Variants in RUSC2 observed in about 807,000 individuals in gnomAD.
The protein encoded by RUSC2 is RUN and SH3 domain containing 2, also known as AP-4 complex accessory subunit RUSC2.
In RUSC2, 34 loss-of-function variants were observed where a neutral mutation model predicts 122.2. The ratio of observed to expected loss-of-function variants is 0.28; its 90% CI spans 0.21 to 0.37. RUSC2 has a LOEUF of 0.37. Ranked by LOEUF, RUSC2 falls within the 10% of genes least tolerant of loss-of-function variation. The pLI is 1.00. For synonymous variants in RUSC2, 784 were observed against 790.0 expected (o/e 0.99, Z 0.13); for missense variants, 1,747 against 1,952.4 (o/e 0.89, Z 1.98).
intron 1 of RUSC2, among the ~76,000 whole-genome samples, chr9:35,523,441 A>G (rs1821253865): frequency 6.6e-6 from 1 of 152,198 alleles, no homozygotes; most frequent in Non-Finnish European, 1.5e-5. Flanking sequence ...GCAACTTTTT[A>G]TAACTGTAAA....
At chr9:35,533,531 A>G (rs1355276031) in intron 1 of RUSC2, among the ~76,000 whole-genome samples, 6 of 152,220 alleles carry the variant, frequency 3.9e-5, no homozygotes, top group Admixed American at 6.5e-5. Flanking sequence ...TTGTTTTAGT[A>G]TATTCACAGT....
intron 1 of RUSC2, among the ~76,000 whole-genome samples, chr9:35,537,144 G>A (rs1821545320): frequency 6.6e-6 from 1 of 152,190 alleles, no homozygotes; most frequent in African/African-American, 2.4e-5. Context: ...GTGATGTAGT[G>A]AATTAAGCCA....
Position 35,548,268 on chromosome 9 carries a change from C to A in RUSC2, c.1747C>A (p.Arg583=). 1 of 1,613,946 alleles carries A rather than the reference C, an allele frequency of 6.2e-7. No individual in the cohort carries two copies. ...FSPIQEAQQD[R]GAPLDEGTCC... is the part of the protein sequence containing the mutation. Reference sequence around the variant, plus strand: ...ACCCATCCAAGAAGCCCAGCAAGATCGGGGGGCCCCACTGGATGAGGGCAC... The same window carrying A: ...ACCCATCCAAGAAGCCCAGCAAGATAGGGGGGCCCCACTGGATGAGGGCAC... Residue 583 remains arginine, a synonymous_variant, in exon 2 of 12, where the codon CGG becomes AGG. Coordinates refer to ENST00000361226, the MANE Select transcript of RUSC2 (RefSeq NM_014806.5). This position sits in a 1 kb window ranked among gnomAD's most constrained non-coding sequence, Gnocchi z 4.5.
chr9:35,508,255 C>T (rs1261482116), intron 1 of RUSC2, among the ~76,000 whole-genome samples: 2 of 152,182 alleles, frequency 1.3e-5, no homozygotes, highest in Non-Finnish European at 2.9e-5. Flanking sequence ...CCCTCCCTGG[C>T]GCTCTGGATT....
At chr9:35,502,972 T>C (rs1370698667) in intron 1 of RUSC2, among the ~76,000 whole-genome samples, 1 of 152,186 alleles carries the variant, frequency 6.6e-6, no homozygotes, top group African/African-American at 2.4e-5. Context: ...GCGATTCTCC[T>C]GCCTTAGCCT....
chr9:35,534,494 T>A (rs1821485534), intron 1 of RUSC2, among the ~76,000 whole-genome samples: 1 of 151,986 alleles, frequency 6.6e-6, no homozygotes, highest in Non-Finnish European at 1.5e-5. Flanking sequence ...ACTTATTTAT[T>A]TTTTTGAGAC....
chr9:35,508,613 G>A (rs976101005), intron 1 of RUSC2, among the ~76,000 whole-genome samples: 2 of 152,180 alleles, frequency 1.3e-5, no homozygotes, highest in African/African-American at 4.8e-5. Context: ...TACTCTTTAA[G>A]CTATCCCAAA....
chr9:35,543,867 G>T (rs1392408494), intron 1 of RUSC2, among the ~76,000 whole-genome samples: 1 of 152,184 alleles, frequency 6.6e-6, no homozygotes, highest in South Asian at 2.1e-4. Flanking sequence ...GACTGGCTTC[G>T]ATTGTGCCCA....
intron 1 of RUSC2, among the ~76,000 whole-genome samples, chr9:35,515,726 C>T (rs1404575869): frequency 1.3e-5 from 2 of 151,986 alleles, no homozygotes; most frequent in Non-Finnish European, 2.9e-5. Flanking sequence ...GGGCCAGACA[C>T]AGTGGTTCAC....
Position 35,560,290 on chromosome 9 carries a change from C to G in RUSC2, c.3650C>G (p.Pro1217Arg). The change falls in exon 10 of 12, where the codon CCT becomes CGT. Residue 1217 changes from proline (P) to arginine (R), a missense_variant. Transcript: ENST00000361226. Reference protein sequence around the residue: ...QLARARGQEGPGDVDRAAQGE... With the variant: ...QLARARGQEGRGDVDRAAQGE... ...GCCCGGGCCCGGGGCCAGGAGGGCC[C>G]TGGAGACGTGGACAGGGCAGCCCAA... The G allele has an allele frequency of 6.3e-7, 1 of 1,595,176 alleles. No individual in the cohort carries two copies. Among genetic ancestry groups the G allele is most frequent in the Non-Finnish European group, 8.5e-7 (1 of 1,170,184 alleles).
Position 35,557,227 on chromosome 9 carries a change from G to A in RUSC2, c.2984-687G>A, listed in dbSNP as rs1822041586. On this transcript the variant is annotated intron_variant, in intron 5 of 11. Coordinates refer to ENST00000361226, the MANE Select transcript of RUSC2 (RefSeq NM_014806.5). This position sits in a 1 kb window ranked among gnomAD's most constrained non-coding sequence, Gnocchi z 4.6. ...ATAATTGTGGGCTGAAGATGAGCCT[G>A]TGAAGAGAGAGCTGAAGTTCCTTGC... 6.6e-6 allele frequency among the ~76,000 whole-genome samples: 1 copy of A among 152,188 alleles called. No individual in the cohort carries two copies. The highest frequency in any genetic ancestry group is 1.5e-5 in the Non-Finnish European group (1 of 68,030).
intron 1 of RUSC2, among the ~76,000 whole-genome samples, chr9:35,524,468 G>A (rs1344164482): frequency 3.3e-5 from 5 of 151,380 alleles, no homozygotes; most frequent in Non-Finnish European, 7.4e-5. Context: ...ATTAATTAGA[G>A]GAGAAAATGA....
rs768814494 is a variant in RUSC2 at position 35,561,066 on chromosome 9, C to T, written c.4318C>T (p.His1440Tyr). ...GCCCAAGGAGAGCCTGCAGGAGCCACACTCCCCAGCCCTGCCCTCCAGTCC... is the reference window on the plus strand; with the variant it reads ...GCCCAAGGAGAGCCTGCAGGAGCCATACTCCCCAGCCCTGCCCTCCAGTCC... The part of the protein sequence containing the change: ...PEPKESLQEP[H>Y]SPALPSSPPC... Residue 1440 changes from histidine to tyrosine, a missense_variant, in exon 11 of 12, where the codon CAC (histidine) becomes TAC (tyrosine). Transcript: ENST00000361226. The T allele has an allele frequency of 8.7e-6, 14 of 1,614,146 alleles. No individual in the cohort carries two copies. The Admixed American group carries it at 2.2e-4, about 25-fold the overall frequency.
intron 1 of RUSC2, among the ~76,000 whole-genome samples, chr9:35,533,258 A>AAAAAG (rs376652098): frequency 6.6e-6 from 1 of 150,792 alleles, no homozygotes; most frequent in Non-Finnish European, 1.5e-5. Context: ...AAAAAAAAAA[A>AAAAAG]AAGAAGAATT....
At position 35,548,114 on chromosome 9, in the gene RUSC2, G is replaced by T. The variant is rs146030842; in HGVS notation, c.1593G>T (p.Met531Ile). Residue 531 changes from methionine to isoleucine, a missense_variant, in exon 2 of 12, where the codon ATG becomes ATT. Physicochemically the swap from Met to Ile is conservative, Grantham distance 10. Coordinates refer to ENST00000361226, the MANE Select transcript of RUSC2 (RefSeq NM_014806.5). The surrounding 1 kb of genome is among the most constrained non-coding windows in gnomAD (Gnocchi z 4.5). ...GCTTGAGTGAGGGCCCTGCAGCCATGGCCGGGCCTGGCTCCCCACCCAGGA... is the reference window on the plus strand; with the variant it reads ...GCTTGAGTGAGGGCCCTGCAGCCATTGCCGGGCCTGGCTCCCCACCCAGGA... Reference protein sequence around the residue: ...PVRLSEGPAAMAGPGSPPRRV... With the variant: ...PVRLSEGPAAIAGPGSPPRRV... The T allele has an allele frequency of 1.9e-6, 3 of 1,613,194 alleles. No homozygotes were observed. Among genetic ancestry groups the T allele is most frequent in the Non-Finnish European group, 2.5e-6 (3 of 1,180,016 alleles).
chr9:35,556,120 T>C lies in RUSC2; in HGVS notation c.2825T>C (p.Leu942Pro), dbSNP rs1822012358. Residue 942 changes from leucine (L) to proline (P), a missense_variant, in exon 4 of 12, where the codon CTG becomes CCG. Leu to Pro is a moderately conservative substitution (Grantham distance 98). Transcript: ENST00000361226. ...GGCTCCCTCAGTGCTGCCAGCCATC[T>C]GAACTGCCGGCTGAATGGTGTGTGA... ...FPGSLSAASH[L>P]NCRLNGQAVK... 6.2e-7 allele frequency: 1 copy of C among 1,614,042 alleles called. No homozygotes were observed. The highest frequency in any genetic ancestry group is 8.5e-7 in the Non-Finnish European group (1 of 1,180,024).
At chr9:35,549,044 AT>A in intron 2 of RUSC2, 21 of 980,674 alleles carry the variant, frequency 2.1e-5, no homozygotes, top group Non-Finnish European at 2.4e-5. Context: ...AAAAAAAAAA[AT>A]AAATAAATAC....
At chr9:35,544,153 C>T (rs1178223555) in intron 1 of RUSC2, among the ~76,000 whole-genome samples, 1 of 152,046 alleles carries the variant, frequency 6.6e-6, no homozygotes, top group Non-Finnish European at 1.5e-5. Flanking sequence ...TTATCCCTCC[C>T]AGCTGGAGTG....
intron 1 of RUSC2, among the ~76,000 whole-genome samples, chr9:35,540,386 A>T (rs1564259661): frequency 6.6e-6 from 1 of 152,194 alleles, no homozygotes; most frequent in Non-Finnish European, 1.5e-5. Flanking sequence ...ATTGTAAAAA[A>T]ATTCCCATTT....
Sources: gnomAD v4.1 joint callset for allele counts (sites outside exome capture counted in the v4.1 genomes callset) on GRCh38, gnomAD v4.1.1 for gene constraint, Gnocchi (gnomAD v3.1) non-coding constraint, MANE v1.5 for transcripts, NCBI Gene and HGNC (gene_info 2026-07-23, HGNC 2026-07-21) for gene names.